TMPRSS9: variants seen among roughly 807,000 people sequenced by gnomAD.
TMPRSS9 encodes transmembrane serine protease 9, also known as transmembrane protease serine 9.
Under a neutral mutation model 111.4 loss-of-function variants are expected in TMPRSS9, and 113 were observed. The observed-to-expected ratio is 1.01, with a 90% CI of 0.87 to 1.19. The LOEUF (loss-of-function observed/expected upper bound fraction) is 1.19, where lower values mean the gene tolerates loss of function less well. TMPRSS9 is among the 50% of genes most tolerant of loss of function. The pLI, the probability that TMPRSS9 is intolerant of heterozygous loss-of-function variation, is 0.00. For missense variants in TMPRSS9, 1,803 were observed against 1,513.1 expected (o/e 1.19, Z -3.18); for synonymous variants, 805 against 659.1 (o/e 1.22, Z -3.39).
chr19:2,405,647 A>C, intron 7 of TMPRSS9, 102 bp downstream of exon 8: 1 of 1,229,412 alleles, frequency 8.1e-7, no homozygotes, highest in Non-Finnish European at 1.1e-6. Context: ...GAGCCCCTGG[A>C]AGTAATTTTT....
At chr19:2,401,539 C>T (rs527523489) in intron 4 of TMPRSS9, among the ~76,000 whole-genome samples, 8 of 152,210 alleles carry the variant, frequency 5.3e-5, no homozygotes, top group East Asian at 1.9e-4. Context: ...ATTTAAGTGA[C>T]GCCAGGGTGG....
exon 11 of TMPRSS9, chr19:2,415,703 C>G: frequency 6.2e-7 from 1 of 1,606,876 alleles, no homozygotes; most frequent in Non-Finnish European, 8.5e-7. Context: ...GAGAAGCCCA[C>G]CCGGGTCGTG....
chr19:2,363,188 T>C (rs1316433527), intron 1 of TMPRSS9, among the ~76,000 whole-genome samples: 2 of 152,220 alleles, frequency 1.3e-5, no homozygotes, highest in African/African-American at 2.4e-5. Context: ...GTCCCGTCCC[T>C]AAAGAGCATT....
intron 1 of TMPRSS9, among the ~76,000 whole-genome samples, chr19:2,393,822 C>T (rs543864907): frequency 2.7e-5 from 4 of 147,750 alleles, no homozygotes; most frequent in South Asian, 2.1e-4. Context: ...TGCTTGAACC[C>T]GGGAAGTGGA....
chr19:2,395,835 G>A (rs188275013), intron 1 of TMPRSS9, among the ~76,000 whole-genome samples: 2 of 151,932 alleles, frequency 1.3e-5, no homozygotes, highest in Non-Finnish European at 2.9e-5. Context: ...GTGAAATCCC[G>A]TCTCTACTAA....
Position 2,379,008 on chromosome 19 carries a change from G to A in TMPRSS9, c.-25-10753G>A, listed in dbSNP as rs535978431. On this transcript the variant is annotated intron_variant, in intron 1 of 17. Coordinates refer to the TMPRSS9 transcript ENST00000649857. ...CACCTAGTCCCTCCCATGACACATG[G>A]GGATTATGAGAACTACAATTGAAGA... Among the ~76,000 whole-genome samples the A allele has an allele frequency of 7.2e-5, 11 of 152,092 alleles. No homozygotes were observed. In the Middle Eastern group the frequency reaches 0.01, roughly 141 times the overall value.
At chr19:2,370,802 TA>T (rs927143637) in intron 1 of TMPRSS9, among the ~76,000 whole-genome samples, 8 of 149,516 alleles carry the variant, frequency 5.4e-5, no homozygotes, top group South Asian at 2.1e-4. Flanking sequence ...TACAAAAACT[TA>T]AAAAAAAAAT....
rs144005115 is a variant in TMPRSS9, at chr19:2,409,030, A to G, written c.1117+400A>G. ...TAATAATAATAATAATAATAATAAT[A>G]ATGATGATGCAGAAAAACACAGTGG... On this transcript the variant is annotated intron_variant, in intron 8 of 17. Transcript: ENST00000648592. Among the ~76,000 whole-genome samples the G allele has an allele frequency of 9.7e-4, 121 of 125,356 alleles. 1 individual carries two copies. The highest frequency in any genetic ancestry group is 1.6e-3 in the Admixed American group (21 of 13,228). The allele number at this position is 125,356 out of a possible 152,430, so 82.2% of individuals were successfully genotyped here.
Position 2,410,251 on chromosome 19 carries a change from C to T in TMPRSS9, c.1118-7C>T, listed in dbSNP as rs185631428. The T allele has an allele frequency of 1.8e-4, 287 of 1,613,618 alleles. 1 individual carries two copies. The highest frequency in any genetic ancestry group is 2.2e-4 in the Non-Finnish European group (254 of 1,179,822). On this transcript the variant is annotated splice_region_variant and splice_polypyrimidine_tract_variant and intron_variant, in intron 8 of 17. Coordinates refer to ENST00000648592, the Ensembl canonical transcript of TMPRSS9. The stretch of plus-strand genomic sequence containing the variant: ...CTCACCCTGCTTTTCTCTCCCCATT[C>T]GGCCAGTGGTCAAGCCAGAGGTGCT...
chr19:2,396,017 A>C (rs911715626), intron 1 of TMPRSS9, among the ~76,000 whole-genome samples: 2 of 152,166 alleles, frequency 1.3e-5, no homozygotes, highest in Admixed American at 6.6e-5. Context: ...CAAACAAACA[A>C]ACACAAACCA....
intron 1 of TMPRSS9, among the ~76,000 whole-genome samples, chr19:2,394,175 C>T (rs915346964): frequency 3.3e-5 from 5 of 151,820 alleles, no homozygotes; most frequent in Non-Finnish European, 7.4e-5. Context: ...TGCATCCCAG[C>T]CTGGCAACAG....
chr19:2,413,618 G>C (rs1319928202), intron 9 of TMPRSS9, 82 bp from the exon 11 acceptor site: 1 of 1,475,918 alleles, frequency 6.8e-7, no homozygotes, highest in African/African-American at 1.4e-5. Context: ...TCCCAGCTCA[G>C]AGCTCCTTCT....
chr19:2,398,009 G>A (rs960125283), intron 2 of TMPRSS9, among the ~76,000 whole-genome samples: 3 of 145,594 alleles, frequency 2.1e-5, no homozygotes, highest in Admixed American at 1.4e-4. Flanking sequence ...TCAGCCTCCC[G>A]AGTAGCTGGG....
chr19:2,408,415 A>T (rs1210984273), exon 8 of TMPRSS9: 1 of 1,613,666 alleles, frequency 6.2e-7, no homozygotes, highest in African/African-American at 1.3e-5. Flanking sequence ...AGCGGCTCGG[A>T]GGCCAGCACC....
chr19:2,416,713 T>C (rs748844121), exon 12 of TMPRSS9: 1 of 1,613,128 alleles, frequency 6.2e-7, no homozygotes, highest in East Asian at 2.2e-5. Context: ...CTTCAACAAA[T>C]ACATCCAGCC....
intron 1 of TMPRSS9, among the ~76,000 whole-genome samples, chr19:2,394,201 CAAGAAAAGAG>C (rs58009879): frequency 0.084 from 12,783 of 151,760 alleles, 898 homozygotes; most frequent in African/African-American, 0.2. Flanking sequence ...GAGACTGTGT[CAAGAAAAGAG>C]AAGGAAAGAG....
At chr19:2,425,097 A>G (rs1303134949) in exon 16 of TMPRSS9, 3 of 1,582,704 alleles carry the variant, frequency 1.9e-6, no homozygotes, top group Non-Finnish European at 1.7e-6. Flanking sequence ...ATCTACAAGC[A>G]CCCGTTCTAC....
rs377164940 is a variant in TMPRSS9, at chr19:2,390,331, C to T, written c.142+404C>T. On this transcript the variant is annotated intron_variant, in intron 1 of 17. Coordinates refer to ENST00000648592, the Ensembl canonical transcript of TMPRSS9. ...TATCTCGGCTCACTGCAAGCTCCACCTCCCGGGTTCACACCGTTCTCCTGT... is the reference window on the plus strand; with the variant it reads ...TATCTCGGCTCACTGCAAGCTCCACTTCCCGGGTTCACACCGTTCTCCTGT... Among the ~76,000 whole-genome samples, 4 of 147,270 alleles carry T rather than the reference C, an allele frequency of 2.7e-5. No individual in the cohort carries two copies. In the East Asian group the frequency reaches 6.0e-4, roughly 22 times the overall value.
rs1405948781 is a variant in TMPRSS9 at position 2,362,846 on chromosome 19, GGTT to G, written c.-26+2489_-26+2491del. 3.3e-5 allele frequency among the ~76,000 whole-genome samples: 5 copies of G among 151,874 alleles called. No homozygotes were observed. The East Asian group carries it at 9.7e-4, about 29-fold the overall frequency. On this transcript the variant is annotated intron_variant, in intron 1 of 17. Transcript: ENST00000649857. Reference sequence around the variant, plus strand: ...AGGTGTGTTTTGTGAGGGTGTGTGTGGTTGTGGTGTGTGGTTGTGTGAGGTTGT... The same window carrying G: ...AGGTGTGTTTTGTGAGGGTGTGTGTGGTGGTGTGTGGTTGTGTGAGGTTGT...
Sources: allele counts gnomAD v4.1 joint callset (sites outside exome capture counted in the v4.1 genomes callset), GRCh38; gene constraint gnomAD v4.1.1; transcripts MANE v1.5; gene names NCBI Gene and HGNC (gene_info 2026-07-23, HGNC 2026-07-21).